The following SLC24A2 variants were observed in gnomAD, a reference collection of about 807,000 sequenced individuals.
SLC24A2 encodes sodium/potassium/calcium exchanger 2.
SLC24A2 carries 36 observed loss-of-function variants against 62.0 expected under a neutral mutation model. The observed-to-expected ratio is 0.58, with a 90% CI of 0.44 to 0.77. The LOEUF (loss-of-function observed/expected upper bound fraction) is 0.77, where lower values mean the gene tolerates loss of function less well. Ranked by LOEUF, SLC24A2 falls within the 30% of genes least tolerant of loss-of-function variation. SLC24A2 has a pLI of 0.00. For missense variants in SLC24A2, 846 were observed against 817.9 expected (o/e 1.03, Z -0.42); for synonymous variants, 358 against 294.0 (o/e 1.22, Z -2.23).
chr9:20,267,611 C>G, the SLC24A2 span, among the ~76,000 whole-genome samples: 1 of 152,146 alleles, frequency 6.6e-6, no homozygotes, highest in Non-Finnish European at 1.5e-5. Flanking sequence ...TTCATGGGCT[C>G]TGATAACACT....
chr9:19,528,395 A>G (rs1406470624), intron 8 of SLC24A2, among the ~76,000 whole-genome samples: 1 of 152,196 alleles, frequency 6.6e-6, no homozygotes, highest in Non-Finnish European at 1.5e-5. Context: ...AATGTCTGTT[A>G]GTTCCTGCTA....
the SLC24A2 span, among the ~76,000 whole-genome samples, chr9:19,968,188 A>G: frequency 6.6e-6 from 1 of 152,152 alleles, no homozygotes; most frequent in South Asian, 2.1e-4. Flanking sequence ...AATCTTCATC[A>G]TCATCTTTGT....
At chr9:19,586,109 T>G (rs2132874386) in intron 5 of SLC24A2, among the ~76,000 whole-genome samples, 1 of 152,330 alleles carries the variant, frequency 6.6e-6, no homozygotes, top group Middle Eastern at 3.4e-3. Flanking sequence ...CTTATTCCTT[T>G]TCAAGACTCT....
At chr9:20,073,199 T>C in the SLC24A2 span, among the ~76,000 whole-genome samples, 1 of 152,210 alleles carries the variant, frequency 6.6e-6, no homozygotes, top group African/African-American at 2.4e-5. Context: ...GTATCATCTG[T>C]GGCTTAGGAT....
intron 2 of SLC24A2, among the ~76,000 whole-genome samples, chr9:19,701,140 G>A (rs1820344412): frequency 6.6e-6 from 1 of 152,244 alleles, no homozygotes; most frequent in South Asian, 2.1e-4. Context: ...ACAACCCACT[G>A]AAGGCCCTCC....
At chr9:20,052,022 T>G in the SLC24A2 span, among the ~76,000 whole-genome samples, 1 of 152,192 alleles carries the variant, frequency 6.6e-6, no homozygotes, top group Non-Finnish European at 1.5e-5. Context: ...GTGCTTAAAA[T>G]AGTTCCCGGA....
chr9:19,916,577 C>T, the SLC24A2 span, among the ~76,000 whole-genome samples: 9 of 152,054 alleles, frequency 5.9e-5, no homozygotes, highest in Middle Eastern at 3.4e-3. Context: ...ATAAATAATA[C>T]ACATTTTCAT....
the SLC24A2 span, among the ~76,000 whole-genome samples, chr9:20,219,540 G>C: frequency 1.7e-3 from 264 of 152,232 alleles, 1 homozygote; most frequent in African/African-American, 5.9e-3. Flanking sequence ...TCTCCTAACT[G>C]GCAGGTTGCG....
At chr9:20,140,802 T>C in the SLC24A2 span, among the ~76,000 whole-genome samples, 1 of 152,204 alleles carries the variant, frequency 6.6e-6, no homozygotes, top group African/African-American at 2.4e-5. Context: ...ATTGTATTTA[T>C]ACTGTGTGAG....
chr9:20,274,983 T>C, the SLC24A2 span, among the ~76,000 whole-genome samples: 1 of 151,944 alleles, frequency 6.6e-6, no homozygotes, highest in Non-Finnish European at 1.5e-5. Context: ...CCCACCTCAG[T>C]CAGACCCTAG....
At chr9:20,176,074 C>T in the SLC24A2 span, among the ~76,000 whole-genome samples, 2 of 151,988 alleles carry the variant, frequency 1.3e-5, no homozygotes. Flanking sequence ...TTCCATGAAA[C>T]CGTAACAACA....
At chr9:19,841,017 G>GT in the SLC24A2 span, among the ~76,000 whole-genome samples, 548 of 151,350 alleles carry the variant, frequency 3.6e-3, 4 homozygotes, top group African/African-American at 0.012. Context: ...ATGGTTTATA[G>GT]TTTTTTTTTA....
At chr9:19,587,042 A>G (rs1413494467) in intron 5 of SLC24A2, among the ~76,000 whole-genome samples, 3 of 151,728 alleles carry the variant, frequency 2.0e-5, no homozygotes, top group African/African-American at 7.3e-5. Flanking sequence ...TAACCCAACT[A>G]CCTCCTAATG....
At chr9:19,668,200 T>C (rs140053723) in intron 2 of SLC24A2, among the ~76,000 whole-genome samples, 10 of 152,278 alleles carry the variant, frequency 6.6e-5, no homozygotes, top group African/African-American at 2.2e-4. Flanking sequence ...CTTCCACTAC[T>C]CTACATCCCC....
At chr9:20,079,889 G>A in the SLC24A2 span, among the ~76,000 whole-genome samples, 1 of 152,102 alleles carries the variant, frequency 6.6e-6, no homozygotes, top group Non-Finnish European at 1.5e-5. Flanking sequence ...GGGACAAAGA[G>A]AATAAAATAC....
In SLC24A2 at chr9:19,754,097, G is replaced by A. The variant is rs923309551; in HGVS notation, c.930+31840C>T. Among the ~76,000 whole-genome samples the A allele has an allele frequency of 2.6e-5, 4 of 152,070 alleles. No individual in the cohort carries two copies. In the East Asian group the frequency reaches 7.7e-4, roughly 29 times the overall value. On this transcript the variant is annotated intron_variant, in intron 2 of 10. Transcript: ENST00000341998. ...TTAACAATTTAAACTACACTATGAA[G>A]GTAAAAAAGCTTACTACTCAGCTTT...
intron 4 of SLC24A2, among the ~76,000 whole-genome samples, chr9:19,605,629 G>A (rs1836962843): frequency 1.3e-5 from 2 of 152,156 alleles, no homozygotes; most frequent in Admixed American, 1.3e-4. Context: ...GATAATTCAA[G>A]GTCTTATGAT....
Position 19,692,301 on chromosome 9 carries a change from A to T in SLC24A2, c.931-70002T>A, listed in dbSNP as rs754101671. Among the ~76,000 whole-genome samples the T allele has an allele frequency of 7.4e-4, 112 of 152,304 alleles. 1 individual carries two copies. Among genetic ancestry groups the T allele is most frequent in the Non-Finnish European group, 1.9e-4 (13 of 68,014 alleles). On this transcript the variant is annotated intron_variant, in intron 2 of 10. Transcript: ENST00000341998. ...GTTGCCACTTGAACTCTGGGAACAGACTTTCAAAGACAGATTTCTACAGGT... is the reference window on the plus strand; with the variant it reads ...GTTGCCACTTGAACTCTGGGAACAGTCTTTCAAAGACAGATTTCTACAGGT...
At chr9:19,992,520 T>TA in the SLC24A2 span, among the ~76,000 whole-genome samples, 1 of 152,224 alleles carries the variant, frequency 6.6e-6, no homozygotes, top group African/African-American at 2.4e-5. Flanking sequence ...TGGCTAGTCT[T>TA]TGGAACCACT....
Sources: allele counts gnomAD v4.1 joint callset (sites outside exome capture counted in the v4.1 genomes callset), GRCh38; gene constraint gnomAD v4.1.1; transcripts MANE v1.5; gene names NCBI Gene and HGNC (gene_info 2026-07-23, HGNC 2026-07-21).